Variants in MECR observed in about 807,000 individuals in gnomAD.
MECR encodes the protein enoyl-[acyl-carrier-protein] reductase, mitochondrial.
MECR carries 37 observed loss-of-function variants against 49.1 expected under a neutral mutation model. The observed-to-expected ratio is 0.75, with a 90% CI of 0.58 to 0.99. The LOEUF (loss-of-function observed/expected upper bound fraction) is 0.99. Ranked by LOEUF, MECR falls within the 50% of genes least tolerant of loss-of-function variation. MECR has a pLI of 0.00. For missense variants in MECR, 470 were observed against 479.6 expected (o/e 0.98, Z 0.19); for synonymous variants, 198 against 191.1 (o/e 1.04, Z -0.30).
chr1:29,168,229 C>T, the MECR span, among the ~76,000 whole-genome samples: 1 of 145,240 alleles, frequency 6.9e-6, no homozygotes, highest in South Asian at 2.2e-4. Flanking sequence ...CAGGGTTTCA[C>T]CATGTTGCCC....
Position 29,200,580 on chromosome 1 carries a change from G to A in MECR, c.766C>T (p.Gln256Ter). Reference sequence around the variant, plus strand: ...ACACAGTTGAGAGCAAGCCGTGGCTGGGGCATGTCCTGGAAAACAACAAAA... The same window carrying A: ...ACACAGTTGAGAGCAAGCCGTGGCTAGGGCATGTCCTGGAAAACAACAAAA... The part of the protein sequence containing the change: ...EMKNFFKDMP[Q>*]PRLALNCVGG... The change falls in exon 7 of 10, where the codon CAG (glutamine) becomes TAG (stop). Residue 256 changes from glutamine (Q) to a stop codon, truncating the protein, a stop_gained. Coordinates refer to ENST00000263702, the MANE Select transcript of MECR (RefSeq NM_016011.5). LOFTEE classifies it high-confidence loss of function. 6 of 1,613,726 alleles carry A rather than the reference G, an allele frequency of 3.7e-6. No individual in the cohort carries two copies. Among genetic ancestry groups the A allele is most frequent in the East Asian group, 2.2e-5 (1 of 44,868 alleles).
the MECR span, chr1:29,169,137 C>T: frequency 6.6e-6 from 1 of 152,198 alleles, no homozygotes; most frequent in Non-Finnish European, 1.5e-5. Context: ...AAGTGCTTTA[C>T]ACACATTATA....
chr1:29,212,787 C>G (rs547989594), intron 3 of MECR, among the ~76,000 whole-genome samples: 1 of 152,324 alleles, frequency 6.6e-6, no homozygotes, highest in East Asian at 1.9e-4. Flanking sequence ...TCTGTTGGTA[C>G]CCCTCGCACC....
At chr1:29,209,035 T>C (rs1187315513) in intron 3 of MECR, among the ~76,000 whole-genome samples, 1 of 151,906 alleles carries the variant, frequency 6.6e-6, no homozygotes, top group Admixed American at 6.6e-5. Flanking sequence ...CACCGCAGGG[T>C]GGAGAGTGAT....
intron 5 of MECR, 67 bp from the exon 6 acceptor site, chr1:29,202,112 C>A: frequency 7.5e-7 from 1 of 1,340,358 alleles, no homozygotes. Context: ...CCCAGGACCT[C>A]TCTGCCACAG....
At chr1:29,211,971 T>C (rs760519117) in intron 3 of MECR, among the ~76,000 whole-genome samples, 1 of 152,232 alleles carries the variant, frequency 6.6e-6, no homozygotes, top group Non-Finnish European at 1.5e-5. Flanking sequence ...AATGGCAGTC[T>C]TCACGAGAAG....
chr1:29,190,958 C>A (rs535367303), downstream of MECR, among the ~76,000 whole-genome samples: 1 of 152,270 alleles, frequency 6.6e-6, no homozygotes, highest in African/African-American at 2.4e-5. Flanking sequence ...GGTTTTAATT[C>A]TCAGGAAGAG....
chr1:29,173,453 GTTTTTTTTTTTTCTTTTTTTT>G, the MECR span: 1 of 99,616 alleles, frequency 1.0e-5, no homozygotes, highest in Non-Finnish European at 2.0e-5. Context: ...CTAAAAAGTT[GTTTTTTTTTTTTCTTTTTTTT>G]TTTTTTTTTT....
At chr1:29,217,700 C>T (rs1170563079) in intron 1 of MECR, among the ~76,000 whole-genome samples, 3 of 152,224 alleles carry the variant, frequency 2.0e-5, no homozygotes, top group East Asian at 3.9e-4. Flanking sequence ...TCTTACCAAC[C>T]GGGGTATCTT....
At chr1:29,185,054 A>G in the MECR span, among the ~76,000 whole-genome samples, 1 of 147,610 alleles carries the variant, frequency 6.8e-6, no homozygotes, top group Non-Finnish European at 1.5e-5. Context: ...TGAACCCAGG[A>G]GGCGGAGGCT....
the MECR span, chr1:29,182,097 T>C: frequency 9.4e-6 from 2 of 212,614 alleles, no homozygotes; most frequent in African/African-American, 2.3e-5. Context: ...AAGGGGTTCC[T>C]GCACCGCCTT....
the MECR span, chr1:29,181,891 G>C: frequency 1.9e-5 from 11 of 576,774 alleles, no homozygotes; most frequent in Non-Finnish European, 2.9e-5. Context: ...GGCGACGTAC[G>C]CGAGCACGCA....
chr1:29,229,258 A>C (rs1381087464), intron 1 of MECR, among the ~76,000 whole-genome samples: 1 of 150,256 alleles, frequency 6.7e-6, no homozygotes, highest in Non-Finnish European at 1.5e-5. Context: ...GCTGGAGTGC[A>C]GTGGCGCAAT....
chr1:29,212,987 C>T (rs1678405083), intron 3 of MECR, among the ~76,000 whole-genome samples: 1 of 152,242 alleles, frequency 6.6e-6, no homozygotes, highest in African/African-American at 2.4e-5. Context: ...TCACCTAGCC[C>T]ACTGGCTGCA....
intron 3 of MECR, among the ~76,000 whole-genome samples, chr1:29,209,886 C>T (rs952411418): frequency 2.0e-5 from 3 of 152,166 alleles, no homozygotes; most frequent in Non-Finnish European, 4.4e-5. Context: ...TAATGGTGTC[C>T]TGGTCCTATG....
At chr1:29,199,500 T>C (rs527652474) in intron 7 of MECR, among the ~76,000 whole-genome samples, 1 of 152,320 alleles carries the variant, frequency 6.6e-6, no homozygotes, top group Admixed American at 6.5e-5. Flanking sequence ...GTGCTGGGAT[T>C]ATAGGCTTGA....
At chr1:29,178,607 C>T in the MECR span, among the ~76,000 whole-genome samples, 1 of 152,142 alleles carries the variant, frequency 6.6e-6, no homozygotes, top group Non-Finnish European at 1.5e-5. Flanking sequence ...CTGCCCGCCT[C>T]GGCCTCCCAA....
the MECR span, among the ~76,000 whole-genome samples, chr1:29,185,555 A>G: frequency 6.6e-6 from 1 of 152,190 alleles, no homozygotes. Context: ...AGCTGGGATT[A>G]CAGGCATGTG....
chr1:29,204,667 A>G (rs1244336645), intron 4 of MECR, among the ~76,000 whole-genome samples: 1 of 152,222 alleles, frequency 6.6e-6, no homozygotes, highest in Non-Finnish European at 1.5e-5. Flanking sequence ...GCCTTGAGGC[A>G]GGAAAGTGGA....
Sources: gnomAD v4.1 joint callset for allele counts (sites outside exome capture counted in the v4.1 genomes callset) on GRCh38, gnomAD v4.1.1 for gene constraint, MANE v1.5 for transcripts, NCBI Gene and HGNC (gene_info 2026-07-23, HGNC 2026-07-21) for gene names.